Variants in VPS53 observed in about 807,000 individuals in gnomAD.
The protein encoded by VPS53 is VPS53 subunit of GARP complex.
In VPS53, 70 loss-of-function variants were observed where a neutral mutation model predicts 107.0. The observed-to-expected ratio is 0.65, with a 90% CI of 0.54 to 0.80. VPS53 has a LOEUF of 0.80. VPS53 is among the 30% of genes least tolerant of loss of function. VPS53 has a pLI of 0.00. For synonymous variants in VPS53, 409 were observed against 393.3 expected, an observed-to-expected ratio of 1.04 and a Z score of -0.47; for missense variants, 917 against 1,049.4, an observed-to-expected ratio of 0.87 and a Z score of 1.74.
At chr17:584,197 G>A (rs453372) in intron 13 of VPS53, among the ~76,000 whole-genome samples, 140,005 of 152,262 alleles carry the variant, frequency 0.92, 64,474 homozygotes, top group African/African-American at 0.96. Flanking sequence ...TCTTTAGACT[G>A]TGAGGCTTCC....
chr17:604,606 A>C (rs1370204534), intron 11 of VPS53, among the ~76,000 whole-genome samples: 1 of 152,112 alleles, frequency 6.6e-6, no homozygotes, highest in East Asian at 1.9e-4. Flanking sequence ...ACCACACCCA[A>C]GTAATTTTTG....
rs1913639806 is a variant in VPS53 at position 567,563 on chromosome 17, T to C, written c.1314-4818A>G. Among the ~76,000 whole-genome samples, 3 of 151,650 alleles carry C rather than the reference T, an allele frequency of 2.0e-5. 1 individual carries two copies. The highest frequency in any genetic ancestry group is 2.9e-5 in the Non-Finnish European group (2 of 67,920). Reference sequence around the variant, plus strand: ...TCACCCAGGACAAAGTGCAGTGGCATGATCATGGCTCACTGCAGCCTCAAC... The same window carrying C: ...TCACCCAGGACAAAGTGCAGTGGCACGATCATGGCTCACTGCAGCCTCAAC... On this transcript the variant is annotated intron_variant, in intron 13 of 21. Transcript: ENST00000437048.
intron 15 of VPS53, among the ~76,000 whole-genome samples, chr17:555,542 C>T (rs1012493192): frequency 2.6e-5 from 4 of 152,038 alleles, no homozygotes; most frequent in East Asian, 1.9e-4. Flanking sequence ...ACTATGTTGG[C>T]CAGGCTGGTC....
intron 2 of VPS53, among the ~76,000 whole-genome samples, chr17:706,316 A>T (rs1973396426): frequency 1.3e-5 from 2 of 152,120 alleles, no homozygotes; most frequent in African/African-American, 4.8e-5. Flanking sequence ...AGGTGGGCAG[A>T]TCACAAGGTC....
At chr17:647,485 A>C (rs1199118029) in intron 7 of VPS53, among the ~76,000 whole-genome samples, 1 of 152,168 alleles carries the variant, frequency 6.6e-6, no homozygotes, top group African/African-American at 2.4e-5. Flanking sequence ...AAAGAGATCA[A>C]CTCTGAATCA....
chr17:687,866 A>G (rs1346604265), intron 4 of VPS53, among the ~76,000 whole-genome samples: 2 of 152,232 alleles, frequency 1.3e-5, no homozygotes, highest in Admixed American at 6.5e-5. Flanking sequence ...CCAAGGTCAC[A>G]CAGATAACAG....
At chr17:580,623 G>T (rs1432690417) in intron 13 of VPS53, among the ~76,000 whole-genome samples, 1 of 148,174 alleles carries the variant, frequency 6.7e-6, no homozygotes, top group Admixed American at 6.7e-5. Flanking sequence ...AGAACCTAAT[G>T]TGTTCCCAGA....
rs1908380123 is a variant in VPS53, at chr17:517,324, C to T, written c.*1804G>A. Reference sequence around the variant, plus strand: ...CAGCTAGCAAGGACAGCCTGGAAGCCGATGAAGAAATGACACTCAGGATCA... The same window carrying T: ...CAGCTAGCAAGGACAGCCTGGAAGCTGATGAAGAAATGACACTCAGGATCA... On this transcript the variant is annotated 3_prime_UTR_variant, in exon 22 of 22. Transcript: ENST00000437048. 2 of 397,114 alleles carry T rather than the reference C, an allele frequency of 5.0e-6. No homozygotes were observed. The highest frequency in any genetic ancestry group is 8.9e-6 in the Non-Finnish European group (2 of 225,170). 24.6% of individuals were successfully genotyped at this position (397,114 alleles called of 1,614,324 possible).
chr17:618,534 G>T (rs1424798481), intron 11 of VPS53, among the ~76,000 whole-genome samples: 1 of 151,568 alleles, frequency 6.6e-6, no homozygotes, highest in Admixed American at 6.6e-5. Flanking sequence ...CTGGGTAGCT[G>T]GGACTACAGG....
intron 11 of VPS53, among the ~76,000 whole-genome samples, chr17:611,456 T>C (rs1213755641): frequency 6.6e-6 from 1 of 152,202 alleles, no homozygotes; most frequent in Non-Finnish European, 1.5e-5. Flanking sequence ...AGCAAGGATA[T>C]GGGGAAACTG....
intron 4 of VPS53, among the ~76,000 whole-genome samples, chr17:686,780 A>G (rs1015180367): frequency 1.3e-5 from 2 of 152,248 alleles, no homozygotes; most frequent in Non-Finnish European, 2.9e-5. Context: ...ACTGTGTATC[A>G]GCAGCACTGG....
At chr17:578,944 G>T (rs1043595183) in intron 13 of VPS53, among the ~76,000 whole-genome samples, 1 of 147,472 alleles carries the variant, frequency 6.8e-6, no homozygotes, top group African/African-American at 2.5e-5. Flanking sequence ...AGAACCTAAG[G>T]CGTTCCCAAA....
chr17:569,129 CAG>C (rs1486433684), intron 13 of VPS53, among the ~76,000 whole-genome samples: 3 of 151,984 alleles, frequency 2.0e-5, no homozygotes, highest in Non-Finnish European at 4.4e-5. Flanking sequence ...TTTATTGTGC[CAG>C]AGAGGAAGGA....
At chr17:548,302 CTT>C (rs1191015828) in intron 17 of VPS53, among the ~76,000 whole-genome samples, 3 of 152,250 alleles carry the variant, frequency 2.0e-5, no homozygotes, top group Non-Finnish European at 2.9e-5. Context: ...CTCAATCCCT[CTT>C]GTCAAGGAAG....
intron 5 of VPS53, among the ~76,000 whole-genome samples, chr17:659,372 T>C (rs113288070): frequency 0.01 from 1,532 of 152,274 alleles, 26 homozygotes; most frequent in African/African-American, 0.034. Context: ...CAGCCTCCAC[T>C]TCCCAGGCAA....
chr17:640,357 C>T (rs1049974746), intron 7 of VPS53, among the ~76,000 whole-genome samples: 11 of 152,132 alleles, frequency 7.2e-5, no homozygotes, highest in South Asian at 2.1e-4. Context: ...CCGGGTGACG[C>T]GATGCCCTGC....
chr17:598,404 GTC>G (rs1597362219), intron 12 of VPS53, among the ~76,000 whole-genome samples: 1 of 151,272 alleles, frequency 6.6e-6, no homozygotes, highest in Non-Finnish European at 1.5e-5. Flanking sequence ...AGTGAGAAGC[GTC>G]TCTGCCTGGC....
chr17:672,022 A>G (rs1179433902), intron 4 of VPS53, among the ~76,000 whole-genome samples: 1 of 151,514 alleles, frequency 6.6e-6, no homozygotes, highest in Non-Finnish European at 1.5e-5. Flanking sequence ...GGGTGGTAGG[A>G]GTCCCAAGAA....
chr17:697,322 A>C, intron 4 of VPS53, 96 bp downstream of exon 4: 1 of 1,026,786 alleles, frequency 9.7e-7, no homozygotes, highest in Non-Finnish European at 1.5e-6. Flanking sequence ...GATCAATCGG[A>C]AAGTGCTCTG....
Sources: allele counts gnomAD v4.1 joint callset (sites outside exome capture counted in the v4.1 genomes callset), GRCh38; gene constraint gnomAD v4.1.1; transcripts MANE v1.5; gene names NCBI Gene and HGNC (gene_info 2026-07-23, HGNC 2026-07-21).